The following GOLGA1 variants were observed in gnomAD, a reference collection of about 807,000 sequenced individuals.
GOLGA1 encodes golgin subfamily A member 1.
In GOLGA1, 63 loss-of-function variants were observed where a neutral mutation model predicts 119.7. The ratio of observed to expected loss-of-function variants is 0.53; its 90% confidence interval spans 0.43 to 0.65. GOLGA1 has a LOEUF of 0.65. Among genes scored for constraint, GOLGA1 ranks in the 30% least tolerant of loss-of-function variants. GOLGA1 has a pLI of 0.00. For missense variants in GOLGA1, 798 were observed against 912.8 expected (o/e 0.87, Z 1.62); for synonymous variants, 318 against 333.4 (o/e 0.95, Z 0.50).
intron 11 of GOLGA1, among the ~76,000 whole-genome samples, chr9:124,908,944 C>G (rs1371168478): frequency 6.6e-6 from 1 of 152,194 alleles, no homozygotes; most frequent in East Asian, 1.9e-4. Context: ...GGCAAAAGGG[C>G]CAGCTCATGA....
At chr9:124,891,596 C>A (rs1039496287) in intron 15 of GOLGA1, among the ~76,000 whole-genome samples, 1 of 152,106 alleles carries the variant, frequency 6.6e-6, no homozygotes, top group African/African-American at 2.4e-5. Context: ...AATAATCCAC[C>A]TCAGGCTTCA....
chr9:124,923,073 C>G (rs200767899), intron 8 of GOLGA1, 22 bp downstream of exon 8: 1 of 1,567,514 alleles, frequency 6.4e-7, no homozygotes, highest in African/African-American at 1.4e-5. Flanking sequence ...CAGTATTTAG[C>G]TACTAAAACA....
chr9:124,894,380 TTGTGTGTGTG>T (rs35289660), intron 15 of GOLGA1, among the ~76,000 whole-genome samples: 6 of 147,832 alleles, frequency 4.1e-5, no homozygotes, highest in South Asian at 4.3e-4. Flanking sequence ...ATTTAAAGTT[TTGTGTGTGTG>T]TGTGTGTGTG....
chr9:124,896,074 G>A (rs1736960814), intron 15 of GOLGA1, among the ~76,000 whole-genome samples: 1 of 152,212 alleles, frequency 6.6e-6, no homozygotes, highest in South Asian at 2.1e-4. Flanking sequence ...ACCAAACCTA[G>A]GTGTCATCTA....
At chr9:124,924,716 GAAA>G (rs773241388) in intron 7 of GOLGA1, among the ~76,000 whole-genome samples, 2 of 113,680 alleles carry the variant, frequency 1.8e-5, no homozygotes. Context: ...ACTCTTGACT[GAAA>G]AAAAAAAAAA....
chr9:124,891,365 G>A (rs1829850622), intron 15 of GOLGA1, among the ~76,000 whole-genome samples: 1 of 152,186 alleles, frequency 6.6e-6, no homozygotes, highest in African/African-American at 2.4e-5. Flanking sequence ...TGAAGAGCGT[G>A]GATGGAGAAA....
Position 124,899,483 on chromosome 9 carries a change from G to T in GOLGA1, c.1162-5C>A. The T allele has an allele frequency of 6.5e-7, 1 of 1,543,898 alleles. No individual in the cohort carries two copies. Among genetic ancestry groups the T allele is most frequent in the African/African-American group, 1.4e-5 (1 of 73,426 alleles). ...GCTCTCCTGGTTGGCGGCAGCCTGC[G>T]GGGAGACCAAAGGACGGTCAGTCAG... On this transcript the variant is annotated splice_polypyrimidine_tract_variant and splice_region_variant and intron_variant, in intron 13 of 22. Coordinates refer to ENST00000373555, the MANE Select transcript of GOLGA1 (RefSeq NM_002077.4).
chr9:124,929,181 G>A, intron 5 of GOLGA1, 35 bp downstream of exon 5: 1 of 1,277,662 alleles, frequency 7.8e-7, no homozygotes, highest in South Asian at 1.2e-5. Flanking sequence ...ACTAAACCTT[G>A]AAAAGATTGA....
chr9:124,884,232 G>A (rs947169716), intron 19 of GOLGA1, among the ~76,000 whole-genome samples: 1 of 146,996 alleles, frequency 6.8e-6, no homozygotes, highest in African/African-American at 2.4e-5. Context: ...GGCTGGTCTC[G>A]AACTCCTGGC....
chr9:124,888,235 T>G lies in GOLGA1; in HGVS notation c.1905+18A>C. 6.2e-7 allele frequency: 1 copy of G among 1,612,722 alleles called. No homozygotes were observed. Among genetic ancestry groups the G allele is most frequent in the Non-Finnish European group, 8.5e-7 (1 of 1,178,766 alleles). ...GACCTGGTGGAGACAGAAACAGCCA[T>G]GCAAAAGGCATCCTCACCTTATTTT... On this transcript the variant is annotated intron_variant, in intron 19 of 22. Transcript: ENST00000373555. This position sits in a 1 kb window ranked among gnomAD's most constrained non-coding sequence, Gnocchi z 4.4.
At position 124,888,521 on chromosome 9, in the gene GOLGA1, G is replaced by A; in HGVS notation, c.1762-125C>T. On this transcript the variant is annotated intron_variant, in intron 18 of 22. Transcript: ENST00000373555. The surrounding 1 kb of genome is among the most constrained non-coding windows in gnomAD (Gnocchi z 4.4). ...GGCGTTGTGCTCCAACAGGCAACTG[G>A]CCAGGAAGCAATTCCTGGAGAAGAT... is the stretch of plus-strand genomic sequence containing the variant. The A allele has an allele frequency of 1.3e-6, 1 of 772,354 alleles. No individual in the cohort carries two copies. The allele number at this position is 772,354 out of a possible 1,614,324, so 47.8% of individuals were successfully genotyped here.
intron 7 of GOLGA1, 70 bp downstream of exon 7, chr9:124,926,639 C>T (rs1830678168): frequency 6.4e-6 from 6 of 934,892 alleles, no homozygotes; most frequent in Non-Finnish European, 1.1e-5. Flanking sequence ...TGTTGGTTAC[C>T]GGATAAAACG....
In GOLGA1 at chr9:124,878,811, T is replaced by C. The variant is rs1312150091; in HGVS notation, c.*1719A>G. ...TTGGCTGGCTGTGAGCTACCCAGTC[T>C]TAGAGATTCTTTCCTGGAACAGTTG... is the stretch of plus-strand genomic sequence containing the variant. On this transcript the variant is annotated 3_prime_UTR_variant, in exon 23 of 23. Coordinates refer to ENST00000373555, the MANE Select transcript of GOLGA1 (RefSeq NM_002077.4). 6.6e-6 allele frequency: 1 copy of C among 152,370 alleles called. No homozygotes were observed. Among genetic ancestry groups the C allele is most frequent in the Middle Eastern group, 3.4e-3 (1 of 294 alleles). 9.4% of individuals were successfully genotyped at this position (152,370 alleles called of 1,614,324 possible).
At chr9:124,942,261 ACT>A (rs1415195985), upstream of GOLGA1, among the ~76,000 whole-genome samples, 1 of 152,214 alleles carries the variant, frequency 6.6e-6, no homozygotes, top group Non-Finnish European at 1.5e-5. Flanking sequence ...CAAGAGCGAA[ACT>A]CTATCTCAAA....
chr9:124,940,771 G>T (rs894873512), intron 1 of GOLGA1, among the ~76,000 whole-genome samples, 200 bp downstream of exon 1: 3 of 152,172 alleles, frequency 2.0e-5, no homozygotes, highest in Non-Finnish European at 4.4e-5. Context: ...GGTCGCGCAG[G>T]GAGGAATCCC....
At position 124,899,377 on chromosome 9, in the gene GOLGA1, G is replaced by A. The variant is rs1486683008; in HGVS notation, c.1263C>T (p.Ala421=). ...RTQALEAQIV[A]LERTRAADQT... ...GGTCAGCTGCCCGCGTTCTCTCCAG[G>A]GCCACTATCTGGGCTTCTAGCGCCT... Residue 421 remains alanine, a synonymous_variant, in exon 14 of 23, where the codon GCC becomes GCT. Transcript: ENST00000373555. 4 of 1,549,486 alleles carry A rather than the reference G, an allele frequency of 2.6e-6. No individual in the cohort carries two copies. The East Asian group carries it at 7.3e-5, about 28-fold the overall frequency.
intron 12 of GOLGA1, among the ~76,000 whole-genome samples, chr9:124,906,709 G>T (rs1830241027): frequency 1.3e-5 from 2 of 152,094 alleles, no homozygotes; most frequent in South Asian, 2.1e-4. Context: ...CCGAGATTGT[G>T]CCATTGCACT....
chr9:124,908,376 C>A lies in GOLGA1; in HGVS notation c.1065+1G>T. On this transcript the variant is annotated splice_donor_variant, in intron 12 of 22. Coordinates refer to ENST00000373555, the MANE Select transcript of GOLGA1 (RefSeq NM_002077.4). LOFTEE classifies it high-confidence loss of function. ...GGAAACACCAGGAGTAAGGTCAGTACCCGAGTCTCCAGGGTGTTAATGGCC... is the reference window on the plus strand; with the variant it reads ...GGAAACACCAGGAGTAAGGTCAGTAACCGAGTCTCCAGGGTGTTAATGGCC... 1 of 1,546,012 alleles carries A rather than the reference C, an allele frequency of 6.5e-7. No homozygotes were observed. Among genetic ancestry groups the A allele is most frequent in the Non-Finnish European group, 8.9e-7 (1 of 1,117,738 alleles).
At chr9:124,893,134 G>T (rs924886185) in intron 15 of GOLGA1, among the ~76,000 whole-genome samples, 8 of 151,956 alleles carry the variant, frequency 5.3e-5, no homozygotes, top group Non-Finnish European at 1.0e-4. Context: ...TGAGTAGCTG[G>T]GACTACAGGT....
Sources: gnomAD v4.1 joint callset for allele counts (sites outside exome capture counted in the v4.1 genomes callset) on GRCh38, gnomAD v4.1.1 for gene constraint, Gnocchi (gnomAD v3.1) non-coding constraint, MANE v1.5 for transcripts, NCBI Gene and HGNC (gene_info 2026-07-23, HGNC 2026-07-21) for gene names.